UBAC2: variants seen among roughly 807,000 people sequenced by gnomAD.
The protein encoded by UBAC2 is UBA domain containing 2.
A neutral mutation model predicts 44.0 loss-of-function variants in UBAC2; 26 were observed. The ratio of observed to expected loss-of-function variants is 0.59; its 90% CI spans 0.43 to 0.82. The LOEUF (loss-of-function observed/expected upper bound fraction) is 0.82. UBAC2 is among the 40% of genes least tolerant of loss of function. The probability of loss-of-function intolerance (pLI) is 0.00; values close to 1 mark genes in which losing one functional copy is unlikely to be tolerated. For synonymous variants in UBAC2, 155 were observed against 154.3 expected, an observed-to-expected ratio of 1.00 and a Z score of -0.04; for missense variants, 329 against 419.4, an observed-to-expected ratio of 0.78 and a Z score of 1.88.
intron 7 of UBAC2, among the ~76,000 whole-genome samples, chr13:99,357,300 A>G (rs2045200764): frequency 6.6e-6 from 1 of 152,180 alleles, no homozygotes; most frequent in African/African-American, 2.4e-5. Context: ...ACCCAACAGC[A>G]CATTTCTCAG....
At position 99,347,755 on chromosome 13, in the gene UBAC2, G is replaced by A. The variant is rs999979863; in HGVS notation, c.807+7190G>A. The stretch of plus-strand genomic sequence containing the variant: ...TCATTAAGCACAGGCATGTGATAAC[G>A]TCATCTAGTGTGCTTTGACCTCCTA... On this transcript the variant is annotated intron_variant, in intron 7 of 8. Coordinates refer to ENST00000403766, the MANE Select transcript of UBAC2 (RefSeq NM_001144072.2). Among the ~76,000 whole-genome samples the A allele has an allele frequency of 3.3e-5, 5 of 150,424 alleles. 1 individual carries two copies. In the South Asian group the frequency reaches 1.1e-3, roughly 32 times the overall value.
chr13:99,295,958 A>AT lies in UBAC2; in HGVS notation c.390-18132dup. 1 of 1,614,022 alleles carries AT rather than the reference A, an allele frequency of 6.2e-7. No homozygotes were observed. The highest frequency in any genetic ancestry group is 8.5e-7 in the Non-Finnish European group (1 of 1,179,964). On this transcript the variant is annotated intron_variant, in intron 4 of 8. Transcript: ENST00000403766. This position sits in a 1 kb window ranked among gnomAD's most constrained non-coding sequence, Gnocchi z 4.1. ...TGTTGAATAGAGGGTGGTAGAGTTGATTTTTTTCCTGTTTTGAACAATGAC... is the reference window on the plus strand; with the variant it reads ...TGTTGAATAGAGGGTGGTAGAGTTGATTTTTTTTCCTGTTTTGAACAATGAC...
At chr13:99,215,483 G>T (rs191854769) in intron 1 of UBAC2, 1 of 1,428,368 alleles carries the variant, frequency 7.0e-7, no homozygotes, top group Non-Finnish European at 9.9e-7. Context: ...TCATCTGCAC[G>T]AATAGCAAGT....
rs1408216084 is a variant in UBAC2 at position 99,295,035 on chromosome 13, A to G, written c.390-19062A>G. On this transcript the variant is annotated intron_variant, in intron 4 of 8. Coordinates refer to ENST00000403766, the MANE Select transcript of UBAC2 (RefSeq NM_001144072.2). This position sits in a 1 kb window ranked among gnomAD's most constrained non-coding sequence, Gnocchi z 4.1. ...CAAAGTTTGTCATACAGTTTACGTC[A>G]CTATAAACCAAAATACAATCCATTT... The G allele has an allele frequency of 1.9e-5, 30 of 1,595,834 alleles. No individual in the cohort carries two copies. The highest frequency in any genetic ancestry group is 2.4e-5 in the Non-Finnish European group (28 of 1,171,028).
Position 99,386,157 on chromosome 13 carries a change from C to G in UBAC2, c.*822C>G, listed in dbSNP as rs975005887. On this transcript the variant is annotated 3_prime_UTR_variant, in exon 9 of 9. Coordinates refer to ENST00000403766, the MANE Select transcript of UBAC2 (RefSeq NM_001144072.2). Reference sequence around the variant, plus strand: ...TGGCAGGGCTAACTGCCTGGCCCTCCTGGCTCGCAGCCAGCCAGCCCCCTG... The same window carrying G: ...TGGCAGGGCTAACTGCCTGGCCCTCGTGGCTCGCAGCCAGCCAGCCCCCTG... 1.3e-5 allele frequency: 2 copies of G among 152,258 alleles called. No homozygotes were observed. The highest frequency in any genetic ancestry group is 2.4e-5 in the African/African-American group (1 of 41,452). 9.4% of individuals were successfully genotyped at this position (152,258 alleles called of 1,614,324 possible).
intron 4 of UBAC2, among the ~76,000 whole-genome samples, chr13:99,250,454 T>G (rs2043444048): frequency 6.6e-6 from 1 of 152,348 alleles, no homozygotes; most frequent in African/African-American, 2.4e-5. Flanking sequence ...GCTGTTTTGC[T>G]TACTGTAGCC....
In UBAC2 at chr13:99,338,039, C is replaced by CTTTTTTCTTTTTTTTTTTTTTTTTTTT. The variant is rs1566509471; in HGVS notation, c.562-2275_562-2274insCTTTTTTTTTTTTTTTTTTTTTTTTTT. On this transcript the variant is annotated intron_variant, in intron 6 of 8. Transcript: ENST00000403766. The stretch of plus-strand genomic sequence containing the variant: ...GCAAAAAAATCTCCTAACTTTTTTT[C>CTTTTTTCTTTTTTTTTTTTTTTTTTTT]TTTTTTTCTTTTTTTTTTTTTTTTT... Among the ~76,000 whole-genome samples, 30 of 91,560 alleles carry CTTTTTTCTTTTTTTTTTTTTTTTTTTT rather than the reference C, an allele frequency of 3.3e-4. 3 individuals are homozygous for CTTTTTTCTTTTTTTTTTTTTTTTTTTT. Among genetic ancestry groups the CTTTTTTCTTTTTTTTTTTTTTTTTTTT allele is most frequent in the South Asian group, 4.6e-4 (1 of 2,184 alleles). The allele number at this position is 91,560 out of a possible 152,430, so 60.1% of individuals were successfully genotyped here. A position where few individuals can be genotyped will look rare whatever the true frequency, so the allele number is the denominator to read the frequency against.
At chr13:99,303,278 C>T (rs2044282899) in intron 4 of UBAC2, among the ~76,000 whole-genome samples, 3 of 152,248 alleles carry the variant, frequency 2.0e-5, no homozygotes, top group African/African-American at 7.2e-5. Context: ...TATATGTGTC[C>T]TGAACCCAGT....
At chr13:99,349,262 A>G (rs1414277647) in intron 7 of UBAC2, among the ~76,000 whole-genome samples, 1 of 152,200 alleles carries the variant, frequency 6.6e-6, no homozygotes, top group African/African-American at 2.4e-5. Flanking sequence ...GTGTGCTGTG[A>G]TGAGAAAGAT....
chr13:99,201,525 C>T (rs1412877878), intron 1 of UBAC2: 3 of 1,614,052 alleles, frequency 1.9e-6, no homozygotes, highest in Non-Finnish European at 2.5e-6. Flanking sequence ...AGCTGTGCTG[C>T]TGGATGTTGC....
chr13:99,332,592 T>C (rs1331116412), intron 6 of UBAC2, among the ~76,000 whole-genome samples: 2 of 152,214 alleles, frequency 1.3e-5, no homozygotes, highest in East Asian at 3.8e-4. Context: ...AGGGGTTCTC[T>C]GGTTGCGTGA....
At chr13:99,337,018 G>A (rs868689922) in intron 6 of UBAC2, among the ~76,000 whole-genome samples, 3 of 151,092 alleles carry the variant, frequency 2.0e-5, no homozygotes, top group South Asian at 4.2e-4. Flanking sequence ...TCATCTTTGC[G>A]CTTTCCTGTC....
At chr13:99,237,261 T>TACACACAC (rs1319391523) in intron 1 of UBAC2, among the ~76,000 whole-genome samples, 2 of 86,568 alleles carry the variant, frequency 2.3e-5, no homozygotes, top group East Asian at 3.9e-4. Flanking sequence ...TGCGTATATA[T>TACACACAC]ATATATATAT....
intron 4 of UBAC2, among the ~76,000 whole-genome samples, chr13:99,283,946 G>A (rs902919534): frequency 6.6e-6 from 1 of 151,886 alleles, no homozygotes; most frequent in Non-Finnish European, 1.5e-5. Flanking sequence ...TGTAGGTCAG[G>A]CTGGTCTCAA....
intron 8 of UBAC2, among the ~76,000 whole-genome samples, chr13:99,373,736 G>A (rs1051739222): frequency 3.3e-5 from 5 of 152,116 alleles, no homozygotes; most frequent in Admixed American, 6.5e-5. Context: ...GAGGGCCGGG[G>A]CACTTCTTGG....
At chr13:99,218,559 T>G (rs963397395) in intron 1 of UBAC2, among the ~76,000 whole-genome samples, 1 of 151,988 alleles carries the variant, frequency 6.6e-6, no homozygotes, top group African/African-American at 2.4e-5. Context: ...ATAAACTGTA[T>G]AACTCTTGCT....
chr13:99,358,221 C>T (rs542781362), intron 7 of UBAC2, among the ~76,000 whole-genome samples: 5 of 152,108 alleles, frequency 3.3e-5, no homozygotes, highest in African/African-American at 4.8e-5. Context: ...AAATTTCTGT[C>T]GGATTCTGAA....
intron 6 of UBAC2, among the ~76,000 whole-genome samples, chr13:99,333,856 C>G (rs1028302615): frequency 2.6e-5 from 4 of 152,130 alleles, no homozygotes; most frequent in African/African-American, 9.7e-5. Context: ...GCCTCCCCCC[C>G]ATAAATTAAG....
At chr13:99,310,873 C>T (rs986771694) in intron 4 of UBAC2, among the ~76,000 whole-genome samples, 3 of 152,126 alleles carry the variant, frequency 2.0e-5, no homozygotes, top group Admixed American at 6.5e-5. Context: ...ATGAATTAAG[C>T]GCCTCCAAGG....
Sources: gnomAD v4.1 joint callset for allele counts (sites outside exome capture counted in the v4.1 genomes callset) on GRCh38, gnomAD v4.1.1 for gene constraint, Gnocchi (gnomAD v3.1) non-coding constraint, MANE v1.5 for transcripts, NCBI Gene and HGNC (gene_info 2026-07-23, HGNC 2026-07-21) for gene names.